INPP4B: variants seen among roughly 807,000 people sequenced by gnomAD.
INPP4B encodes inositol polyphosphate-4-phosphatase type II B, also known as inositol polyphosphate 4-phosphatase type II.
Under a neutral mutation model 122.5 loss-of-function variants are expected in INPP4B, and 55 were observed. That is an observed-to-expected ratio of 0.45 (90% confidence interval 0.36 to 0.56). The LOEUF (loss-of-function observed/expected upper bound fraction) is 0.56. Among genes scored for constraint, INPP4B ranks in the 20% least tolerant of loss-of-function variants. The pLI is 0.00. For missense variants in INPP4B, 1,000 were observed against 1,097.7 expected, an observed-to-expected ratio of 0.91 and a Z score of 1.26; for synonymous variants, 403 against 388.7, an observed-to-expected ratio of 1.04 and a Z score of -0.43.
At chr4:142,131,228 G>A (rs1357766532) in intron 18 of INPP4B, among the ~76,000 whole-genome samples, 2 of 152,158 alleles carry the variant, frequency 1.3e-5, no homozygotes, top group Non-Finnish European at 2.9e-5. Context: ...AGGTCTTTGA[G>A]CAACCTGAAA....
chr4:142,315,283 C>G (rs986531346), intron 7 of INPP4B, among the ~76,000 whole-genome samples: 1 of 152,106 alleles, frequency 6.6e-6, no homozygotes, highest in Non-Finnish European at 1.5e-5. Context: ...AGCGCCCACA[C>G]TCATGCTTCT....
At chr4:142,481,156 A>G (rs1356449686) in intron 2 of INPP4B, among the ~76,000 whole-genome samples, 1 of 149,580 alleles carries the variant, frequency 6.7e-6, no homozygotes, top group Non-Finnish European at 1.5e-5. Context: ...AAAAAAAAAA[A>G]GTAGATTAAA....
intron 2 of INPP4B, among the ~76,000 whole-genome samples, chr4:142,646,966 T>C (rs972733734): frequency 6.6e-6 from 1 of 152,206 alleles, no homozygotes; most frequent in Non-Finnish European, 1.5e-5. Flanking sequence ...GTGAGCAACA[T>C]GTTAAACTGT....
Position 142,719,207 on chromosome 4 carries a change from T to G in INPP4B, c.-191+6632A>C, listed in dbSNP as rs111341535. ...ACTGATTTCTAAATCATGCTTAAGA[T>G]CCAACAAATTAGATTGAATCCTCCT... On this transcript the variant is annotated intron_variant, in intron 2 of 25. Transcript: ENST00000262992. 5.3e-5 allele frequency among the ~76,000 whole-genome samples: 8 copies of G among 152,296 alleles called. 1 individual carries two copies. The highest frequency in any genetic ancestry group is 1.9e-4 in the African/African-American group (8 of 41,572).
chr4:142,823,441 A>G (rs1196053972), intron 1 of INPP4B, among the ~76,000 whole-genome samples: 3 of 152,200 alleles, frequency 2.0e-5, no homozygotes, highest in Non-Finnish European at 2.9e-5. Context: ...ATACTGCAAG[A>G]ATATAATAGT....
chr4:142,060,777 G>T (rs1760227368), intron 25 of INPP4B, among the ~76,000 whole-genome samples: 1 of 152,138 alleles, frequency 6.6e-6, no homozygotes, highest in African/African-American at 2.4e-5. Context: ...TAGAATTAGA[G>T]CAATTAATAT....
At chr4:142,661,577 A>C (rs1465199294) in intron 2 of INPP4B, among the ~76,000 whole-genome samples, 2 of 152,226 alleles carry the variant, frequency 1.3e-5, no homozygotes, top group Non-Finnish European at 2.9e-5. Context: ...TAATAGTTAA[A>C]CACTGTGGAC....
At chr4:142,041,624 A>ACTAC (rs201189242) in intron 25 of INPP4B, among the ~76,000 whole-genome samples, 1 of 151,800 alleles carries the variant, frequency 6.6e-6, no homozygotes, top group African/African-American at 2.4e-5. Flanking sequence ...ATCTCAAATA[A>ACTAC]TACTACTACT....
intron 2 of INPP4B, among the ~76,000 whole-genome samples, chr4:142,642,668 T>C (rs1318129247): frequency 6.6e-6 from 1 of 152,358 alleles, no homozygotes; most frequent in African/African-American, 2.4e-5. Context: ...TTGGTTACTG[T>C]AGCCTTGTAG....
intron 1 of INPP4B, among the ~76,000 whole-genome samples, chr4:142,778,729 C>T (rs1393622359): frequency 6.6e-6 from 1 of 152,124 alleles, no homozygotes; most frequent in Non-Finnish European, 1.5e-5. Flanking sequence ...AACTTACCAC[C>T]ACTACTTTGT....
At chr4:142,521,159 T>G (rs1826020431) in intron 2 of INPP4B, among the ~76,000 whole-genome samples, 1 of 151,936 alleles carries the variant, frequency 6.6e-6, no homozygotes, top group Non-Finnish European at 1.5e-5. Flanking sequence ...TCAGGAAAAT[T>G]AAGTTAAATT....
At chr4:142,412,926 C>T (rs1046462463) in intron 5 of INPP4B, among the ~76,000 whole-genome samples, 4 of 152,120 alleles carry the variant, frequency 2.6e-5, no homozygotes, top group African/African-American at 9.7e-5. Context: ...ACTTGGGACT[C>T]TAGGAGTCAA....
At chr4:142,232,218 G>T (rs1854697502) in intron 12 of INPP4B, among the ~76,000 whole-genome samples, 1 of 152,018 alleles carries the variant, frequency 6.6e-6, no homozygotes. Flanking sequence ...TATTTATTGT[G>T]TTTTACTGTG....
At chr4:142,558,324 T>C (rs1346339281) in intron 2 of INPP4B, among the ~76,000 whole-genome samples, 1 of 152,096 alleles carries the variant, frequency 6.6e-6, no homozygotes, top group African/African-American at 2.4e-5. Flanking sequence ...ATAGCACTTA[T>C]TTGTCCTGCA....
At chr4:142,641,882 C>T (rs1011249227) in intron 2 of INPP4B, among the ~76,000 whole-genome samples, 3 of 152,166 alleles carry the variant, frequency 2.0e-5, no homozygotes, top group Non-Finnish European at 2.9e-5. Flanking sequence ...ACAGTCCCAC[C>T]AACAGTGTAA....
At chr4:142,562,990 C>T (rs1222422922) in intron 2 of INPP4B, among the ~76,000 whole-genome samples, 1 of 152,174 alleles carries the variant, frequency 6.6e-6, no homozygotes, top group Non-Finnish European at 1.5e-5. Flanking sequence ...AGTCAAAACA[C>T]CTCTCACCCT....
intron 23 of INPP4B, among the ~76,000 whole-genome samples, chr4:142,094,588 G>A (rs1244514765): frequency 6.6e-6 from 1 of 152,186 alleles, no homozygotes; most frequent in Non-Finnish European, 1.5e-5. Context: ...ACCAAGGTCA[G>A]ATGACAGCCC....
At chr4:142,540,784 GCA>G (rs1828850764) in intron 2 of INPP4B, among the ~76,000 whole-genome samples, 1 of 151,860 alleles carries the variant, frequency 6.6e-6, no homozygotes, top group African/African-American at 2.4e-5. Context: ...TATTCTACAT[GCA>G]CACACACATA....
chr4:142,181,331 G>C (rs776827809), intron 15 of INPP4B, among the ~76,000 whole-genome samples: 4 of 152,116 alleles, frequency 2.6e-5, no homozygotes, highest in Non-Finnish European at 5.9e-5. Context: ...GTATTTGCTG[G>C]AAGTAGAAGT....
Sources: allele counts gnomAD v4.1 joint callset (sites outside exome capture counted in the v4.1 genomes callset), GRCh38; gene constraint gnomAD v4.1.1; transcripts MANE v1.5; gene names NCBI Gene and HGNC (gene_info 2026-07-23, HGNC 2026-07-21).